The following FLRT2 variants were observed in gnomAD, a reference collection of about 807,000 sequenced individuals.
The protein encoded by FLRT2 is fibronectin leucine rich transmembrane protein 2.
Under a neutral mutation model 40.0 loss-of-function variants are expected in FLRT2, and 15 were observed. The ratio of observed to expected loss-of-function variants is 0.38; its 90% CI spans 0.25 to 0.58. The LOEUF is 0.58. Ranked by LOEUF, FLRT2 falls within the 20% of genes least tolerant of loss-of-function variation. The pLI is 0.71. For missense variants in FLRT2, 726 were observed against 840.0 expected (o/e 0.86, Z 1.68); for synonymous variants, 380 against 336.8 (o/e 1.13, Z -1.41).
At chr14:85,590,492 A>C (rs1891832919) in intron 1 of FLRT2, among the ~76,000 whole-genome samples, 1 of 152,204 alleles carries the variant, frequency 6.6e-6, no homozygotes, top group Non-Finnish European at 1.5e-5. Context: ...GGTATAGTAA[A>C]TTAAATCTTG....
chr14:85,543,698 A>G (rs901469824), intron 1 of FLRT2, among the ~76,000 whole-genome samples: 1 of 152,096 alleles, frequency 6.6e-6, no homozygotes, highest in Non-Finnish European at 1.5e-5. Flanking sequence ...CATGCCAAAC[A>G]TGGTGAGGCA....
chr14:85,588,883 T>C (rs1891760549), intron 1 of FLRT2, among the ~76,000 whole-genome samples: 1 of 152,238 alleles, frequency 6.6e-6, no homozygotes, highest in African/African-American at 2.4e-5. Flanking sequence ...TTTGTCTTTC[T>C]GTGCCTGCTT....
Position 85,639,737 on chromosome 14 carries a change from A to G in FLRT2, c.*16240A>G, listed in dbSNP as rs535192571. On this transcript the variant is annotated 3_prime_UTR_variant, in exon 2 of 2. Coordinates refer to ENST00000330753, the MANE Select transcript of FLRT2 (RefSeq NM_013231.6). ...AGAAAGGACTGGCTAAGCTCTTACA[A>G]TAAGTGATGGAATGAGCTTTGAAAA... 31 of 152,296 alleles carry G rather than the reference A, an allele frequency of 2.0e-4. No homozygotes were observed. Among genetic ancestry groups the G allele is most frequent in the African/African-American group, 7.0e-4 (29 of 41,568 alleles). The allele number at this position is 152,296 out of a possible 1,614,324, so 9.4% of individuals were successfully genotyped here.
chr14:85,566,597 G>C (rs529923674), intron 1 of FLRT2, among the ~76,000 whole-genome samples: 1 of 144,606 alleles, frequency 6.9e-6, no homozygotes, highest in South Asian at 2.3e-4. Flanking sequence ...AATTTCTGCA[G>C]CTATTTAGGT....
At chr14:85,596,218 A>G (rs532911691) in intron 1 of FLRT2, among the ~76,000 whole-genome samples, 2 of 152,336 alleles carry the variant, frequency 1.3e-5, no homozygotes, top group Admixed American at 6.5e-5. Context: ...GTTTGTTTTC[A>G]CACGTTATCT....
chr14:85,594,912 T>C (rs1212121022), intron 1 of FLRT2, among the ~76,000 whole-genome samples: 1 of 152,212 alleles, frequency 6.6e-6, no homozygotes, highest in Non-Finnish European at 1.5e-5. Context: ...ACAGTATTCT[T>C]ACAATAAACT....
chr14:85,588,457 G>GT (rs11324915), intron 1 of FLRT2, among the ~76,000 whole-genome samples: 34 of 147,248 alleles, frequency 2.3e-4, no homozygotes, highest in Non-Finnish European at 3.0e-4. Context: ...CACTAGCTCA[G>GT]TTTTTTTTTT....
At chr14:85,540,978 G>T (rs995219344) in intron 1 of FLRT2, among the ~76,000 whole-genome samples, 6 of 152,118 alleles carry the variant, frequency 3.9e-5, no homozygotes, top group African/African-American at 1.4e-4. Flanking sequence ...TCTCTGAAAT[G>T]CACCAACAAA....
chr14:85,641,929 T>A lies in FLRT2; in HGVS notation c.*18432T>A, dbSNP rs1247952565. ...ATGAAGAGCCTATTAAAGCCAAGGC[T>A]TTGGTGACCAATGTGATTGCTTCAG... is the stretch of plus-strand genomic sequence containing the variant. On this transcript the variant is annotated 3_prime_UTR_variant, in exon 2 of 2. Coordinates refer to ENST00000330753, the MANE Select transcript of FLRT2 (RefSeq NM_013231.6). 6.6e-6 allele frequency: 1 copy of A among 152,094 alleles called. No individual in the cohort carries two copies. Among genetic ancestry groups the A allele is most frequent in the Non-Finnish European group, 1.5e-5 (1 of 68,018 alleles). The allele number at this position is 152,094 out of a possible 1,614,324, so 9.4% of individuals were successfully genotyped here.
intron 1 of FLRT2, among the ~76,000 whole-genome samples, chr14:85,576,119 G>A (rs1170504727): frequency 1.3e-5 from 2 of 152,074 alleles, no homozygotes; most frequent in Non-Finnish European, 2.9e-5. Context: ...AGCTCACCAC[G>A]ACCAAGCATG....
intron 1 of FLRT2, among the ~76,000 whole-genome samples, chr14:85,581,906 T>A (rs370663141): frequency 1.3e-5 from 2 of 152,218 alleles, no homozygotes; most frequent in African/African-American, 4.8e-5. Flanking sequence ...TGATTCTATG[T>A]CATTTCATTT....
At chr14:85,575,969 C>T (rs1891111498) in intron 1 of FLRT2, among the ~76,000 whole-genome samples, 1 of 152,150 alleles carries the variant, frequency 6.6e-6, no homozygotes, top group Non-Finnish European at 1.5e-5. Context: ...AACCTTAATT[C>T]CCTCTTGCCT....
Position 85,622,340 on chromosome 14 carries a change from C to T in FLRT2, c.826C>T (p.Arg276Cys), listed in dbSNP as rs1406545941. ...HIPLTAFSNL[R>C]KLERLDISNN... is the part of the protein sequence containing the mutation. ...TCCTTTGACAGCCTTCTCAAATCTG[C>T]GTAAGCTGGAACGGCTGGATATATC... The change falls in exon 2 of 2, where the codon CGT becomes TGT. Residue 276 changes from arginine (R) to cysteine (C), a missense_variant. By Grantham distance (180) the Arg-to-Cys change is radical. Around this residue, in one of 3 missense-constraint regions of FLRT2, gnomAD observed 611 missense variants for 690.0 expected, o/e 0.89. Transcript: ENST00000330753. The T allele has an allele frequency of 2.3e-5, 37 of 1,614,002 alleles. No individual in the cohort carries two copies. In the East Asian group the frequency reaches 3.8e-4, roughly 17 times the overall value.
chr14:85,560,440 T>A lies in FLRT2; in HGVS notation c.-377+29906T>A, dbSNP rs1164377535. Reference sequence around the variant, plus strand: ...AAATACAAAAATTATCAGGGCATGGTGGCACGTGGCTGTAATCTCAGCTAC... The same window carrying A: ...AAATACAAAAATTATCAGGGCATGGAGGCACGTGGCTGTAATCTCAGCTAC... On this transcript the variant is annotated intron_variant, in intron 1 of 1. Coordinates refer to ENST00000330753, the MANE Select transcript of FLRT2 (RefSeq NM_013231.6). 3.3e-5 allele frequency among the ~76,000 whole-genome samples: 5 copies of A among 152,096 alleles called. No individual in the cohort carries two copies. The East Asian group carries it at 9.7e-4, about 29-fold the overall frequency.
chr14:85,587,195 C>A (rs1192191340), intron 1 of FLRT2, among the ~76,000 whole-genome samples: 1 of 151,042 alleles, frequency 6.6e-6, no homozygotes, highest in Non-Finnish European at 1.5e-5. Flanking sequence ...CACACCAGCA[C>A]TTACATTCTT....
Position 85,621,221 on chromosome 14 carries a change from C to T in FLRT2, c.-294C>T. On this transcript the variant is annotated 5_prime_UTR_variant, in exon 2 of 2. Coordinates refer to ENST00000330753, the MANE Select transcript of FLRT2 (RefSeq NM_013231.6). ...CAAAAGAAGAAGAGAGTTCTGCCTG[C>T]CCACTTGGGCTTGTGTTGACACGGC... 1 of 425,716 alleles carries T rather than the reference C, an allele frequency of 2.3e-6. No homozygotes were observed. The highest frequency in any genetic ancestry group is 4.1e-6 in the Non-Finnish European group (1 of 241,066). The allele number at this position is 425,716 out of a possible 1,614,324, so 26.4% of individuals were successfully genotyped here. A position where few individuals can be genotyped will look rare whatever the true frequency, so the allele number is the denominator to read the frequency against.
intron 1 of FLRT2, among the ~76,000 whole-genome samples, chr14:85,575,335 C>G (rs1891081892): frequency 6.6e-6 from 1 of 151,078 alleles, no homozygotes; most frequent in East Asian, 1.9e-4. Flanking sequence ...GTTCTTACAA[C>G]ATTTTTTTTT....
rs1340502317 is a variant in FLRT2, at chr14:85,648,420, G to A, written c.*24923G>A. 6.6e-6 allele frequency: 1 copy of A among 152,096 alleles called. No homozygotes were observed. Among genetic ancestry groups the A allele is most frequent in the Non-Finnish European group, 1.5e-5 (1 of 68,008 alleles). 9.4% of individuals were successfully genotyped at this position (152,096 alleles called of 1,614,324 possible). A position where few individuals can be genotyped will look rare whatever the true frequency, so the allele number is the denominator to read the frequency against. ...TTAAATATACTTATACATTTGGAAA[G>A]GCAAAAATGAGGCAGAGGCCATCTT... On this transcript the variant is annotated 3_prime_UTR_variant, in exon 2 of 2. Transcript: ENST00000330753.
chr14:85,560,394 G>C (rs570370132), intron 1 of FLRT2, among the ~76,000 whole-genome samples: 5 of 152,074 alleles, frequency 3.3e-5, no homozygotes, highest in African/African-American at 4.8e-5. Flanking sequence ...GGCCAACATG[G>C]TGAAACCCCG....
Sources: gnomAD v4.1 joint callset for allele counts (sites outside exome capture counted in the v4.1 genomes callset) on GRCh38, gnomAD v4.1.1 for gene constraint, gnomAD v4.1.1 regional missense constraint, MANE v1.5 for transcripts, NCBI Gene and HGNC (gene_info 2026-07-23, HGNC 2026-07-21) for gene names.